ELP1: variants seen among roughly 807,000 people sequenced by gnomAD.
ELP1 encodes the protein elongator complex protein 1.
ELP1 carries 131 observed loss-of-function variants against 183.2 expected under a neutral mutation model. That is an observed-to-expected ratio of 0.72 (90% confidence interval 0.62 to 0.83). The LOEUF (loss-of-function observed/expected upper bound fraction) is 0.83, where lower values mean the gene tolerates loss of function less well. Ranked by LOEUF, ELP1 falls within the 40% of genes least tolerant of loss-of-function variation. ELP1 has a pLI of 0.00. For synonymous variants in ELP1, 555 were observed against 569.0 expected (o/e 0.98, Z 0.35); for missense variants, 1,550 against 1,594.9 (o/e 0.97, Z 0.48).
At chr9:108,881,113 GA>G (rs1827912938) in intron 31 of ELP1, among the ~76,000 whole-genome samples, 1 of 152,142 alleles carries the variant, frequency 6.6e-6, no homozygotes, top group African/African-American at 2.4e-5. Flanking sequence ...AACTTCATTT[GA>G]AAAGGTAACT....
chr9:108,900,904 A>AGATAGGG (rs1828774235), intron 18 of ELP1, among the ~76,000 whole-genome samples: 1 of 45,856 alleles, frequency 2.2e-5, no homozygotes, highest in Non-Finnish European at 4.1e-5. Flanking sequence ...ACACACACAT[A>AGATAGGG]CACGCCACAC....
chr9:108,911,581 C>G (rs113525785), intron 11 of ELP1, among the ~76,000 whole-genome samples: 1 of 152,146 alleles, frequency 6.6e-6, no homozygotes, highest in Non-Finnish European at 1.5e-5. Flanking sequence ...TGATTAAGTT[C>G]TCTATATAGA....
chr9:108,878,803 G>A lies in ELP1; in HGVS notation c.3573-53C>T, dbSNP rs143516037. On this transcript the variant is annotated intron_variant, in intron 33 of 36. Coordinates refer to ENST00000374647, the MANE Select transcript of ELP1 (RefSeq NM_003640.5). Reference sequence around the variant, plus strand: ...AGCCTCCTGAGTAGCTAGGACTACAGGCATGTGCTACCTTGCCTGGCTACT... The same window carrying A: ...AGCCTCCTGAGTAGCTAGGACTACAAGCATGTGCTACCTTGCCTGGCTACT... 8.8e-6 allele frequency: 14 copies of A among 1,599,002 alleles called. No individual in the cohort carries two copies. In the African/African-American group the frequency reaches 1.5e-4, roughly 17 times the overall value.
In ELP1 at chr9:108,868,573, A is replaced by T. The variant is rs1249697626; in HGVS notation, c.*542T>A. Reference sequence around the variant, plus strand: ...TTATAGGAGGCTCAGCCCAGTTATAACTGAAAGCACATGACCTGGTAAGAT... The same window carrying T: ...TTATAGGAGGCTCAGCCCAGTTATATCTGAAAGCACATGACCTGGTAAGAT... On this transcript the variant is annotated 3_prime_UTR_variant, in exon 37 of 37. Transcript: ENST00000374647. 5 of 439,794 alleles carry T rather than the reference A, an allele frequency of 1.1e-5. No individual in the cohort carries two copies. Among genetic ancestry groups the T allele is most frequent in the Non-Finnish European group, 2.0e-5 (5 of 251,786 alleles). 27.2% of individuals were successfully genotyped at this position (439,794 alleles called of 1,614,324 possible). A position where few individuals can be genotyped will look rare whatever the true frequency, so the allele number is the denominator to read the frequency against.
chr9:108,901,414 T>G lies in ELP1; in HGVS notation c.2014+11A>C. The G allele has an allele frequency of 6.3e-7, 1 of 1,577,838 alleles. No individual in the cohort carries two copies. Among genetic ancestry groups the G allele is most frequent in the Non-Finnish European group, 8.7e-7 (1 of 1,147,094 alleles). On this transcript the variant is annotated intron_variant, in intron 18 of 36. Transcript: ENST00000374647. ...AAGGGACCATTTCTGTTTTATACAT[T>G]GAAAACTTACTTTTAAATGAAGCAT...
intron 13 of ELP1, among the ~76,000 whole-genome samples, chr9:108,907,956 C>A (rs1375585990): frequency 3.3e-5 from 5 of 152,298 alleles, no homozygotes; most frequent in Non-Finnish European, 7.4e-5. Flanking sequence ...ATTAGGTCAT[C>A]CATGTTAACA....
chr9:108,867,638 G>A lies in ELP1; in HGVS notation c.*1477C>T, dbSNP rs144244054. The A allele has an allele frequency of 6.6e-6, 1 of 152,320 alleles. No individual in the cohort carries two copies. The highest frequency in any genetic ancestry group is 1.9e-4 in the East Asian group (1 of 5,192). The allele number at this position is 152,320 out of a possible 1,614,324, so 9.4% of individuals were successfully genotyped here. A position where few individuals can be genotyped will look rare whatever the true frequency, so the allele number is the denominator to read the frequency against. On this transcript the variant is annotated 3_prime_UTR_variant, in exon 37 of 37. Transcript: ENST00000374647. ...CATGCTTATTTACCCATGCCAAAGA[G>A]TGATTACAAAGTACTTGCAGCCTTT...
chr9:108,876,205 C>A (rs754671209), intron 35 of ELP1, among the ~76,000 whole-genome samples: 1 of 151,998 alleles, frequency 6.6e-6, no homozygotes, highest in Non-Finnish European at 1.5e-5. Flanking sequence ...GAGCCCGGGG[C>A]GGTGGATGCT....
chr9:108,870,045 G>A (rs141074156), intron 36 of ELP1, among the ~76,000 whole-genome samples: 378 of 152,042 alleles, frequency 2.5e-3, no homozygotes, highest in African/African-American at 8.7e-3. Flanking sequence ...GCACGATCAT[G>A]ACTCACTGCA....
Position 108,911,187 on chromosome 9 carries a change from T to A in ELP1, c.1190-7A>T. 6.2e-7 allele frequency: 1 copy of A among 1,613,814 alleles called. No homozygotes were observed. Among genetic ancestry groups the A allele is most frequent in the South Asian group, 1.1e-5 (1 of 91,030 alleles). On this transcript the variant is annotated splice_polypyrimidine_tract_variant and splice_region_variant and intron_variant, in intron 11 of 36. Transcript: ENST00000374647. ...ACTGTCACCAACACCCTGTCTGCAG[T>A]GAAAAAGAAAGAAGAGGATTAGACC...
At chr9:108,879,303 G>T (rs899126244) in intron 33 of ELP1, 143 bp downstream of exon 33, 5 of 711,190 alleles carry the variant, frequency 7.0e-6, no homozygotes, top group Non-Finnish European at 1.0e-5. Context: ...TGCTGGGAAA[G>T]TGTCTGAACA....
chr9:108,933,772 C>T (rs1378183450), intron 1 of ELP1, 92 bp downstream of exon 1: 2 of 152,976 alleles, frequency 1.3e-5, no homozygotes, highest in Non-Finnish European at 2.9e-5. Context: ...CCCCGGCCCG[C>T]AGCAGGCAGA....
At position 108,931,910 on chromosome 9, in the gene ELP1, C is replaced by T. The variant is rs142417025; in HGVS notation, c.-55-709G>A. Among the ~76,000 whole-genome samples the T allele has an allele frequency of 1.4e-3, 219 of 152,336 alleles. 1 individual carries two copies. Among genetic ancestry groups the T allele is most frequent in the African/African-American group, 4.9e-3 (204 of 41,578 alleles). ...CGTGAGAAAAGAGTGCTAAACAAGA[C>T]ATCTACTTTGGTCTGGCAAAATCAG... On this transcript the variant is annotated intron_variant, in intron 1 of 36. Transcript: ENST00000374647.
At chr9:108,931,261 A>T in intron 1 of ELP1, 60 bp from the exon 2 acceptor site, 1 of 1,105,916 alleles carries the variant, frequency 9.0e-7, no homozygotes, top group Non-Finnish European at 1.4e-6. Flanking sequence ...AAATGAAATG[A>T]TTCAGGGGGT....
rs371128847 is a variant in ELP1 at position 108,898,487 on chromosome 9, A to T, written c.2363+15T>A. ...ACTATGGAAAAGATACACATGAATT[A>T]TTCAAAATACTTACTTCAATTCTGT... On this transcript the variant is annotated intron_variant, in intron 22 of 36. Coordinates refer to ENST00000374647, the MANE Select transcript of ELP1 (RefSeq NM_003640.5). 8.5e-6 allele frequency: 12 copies of T among 1,407,608 alleles called. No homozygotes were observed. The highest frequency in any genetic ancestry group is 1.2e-5 in the Non-Finnish European group (12 of 998,560). The allele number at this position is 1,407,608 out of a possible 1,614,324, so 87.2% of individuals were successfully genotyped here.
Position 108,867,718 on chromosome 9 carries a change from C to T in ELP1, c.*1397G>A, listed in dbSNP as rs1827290352. The T allele has an allele frequency of 1.3e-5, 2 of 152,186 alleles. No homozygotes were observed. Among genetic ancestry groups the T allele is most frequent in the African/African-American group, 2.4e-5 (1 of 41,436 alleles). The allele number at this position is 152,186 out of a possible 1,614,324, so 9.4% of individuals were successfully genotyped here. On this transcript the variant is annotated 3_prime_UTR_variant, in exon 37 of 37. Transcript: ENST00000374647. ...CATGTAAGTCAAAAAGTAGATTTCT[C>T]CAAAGCAAAGTATATCTTCTTTCTC...
intron 5 of ELP1, among the ~76,000 whole-genome samples, chr9:108,924,867 G>T (rs1473559716): frequency 6.6e-6 from 1 of 152,126 alleles, no homozygotes; most frequent in East Asian, 1.9e-4. Context: ...GGTTCTGGCT[G>T]GAGTCCTGCT....
At chr9:108,933,699 G>T (rs1412343915) in intron 1 of ELP1, among the ~76,000 whole-genome samples, 165 bp downstream of exon 1, 1 of 152,226 alleles carries the variant, frequency 6.6e-6, no homozygotes, top group Non-Finnish European at 1.5e-5. Context: ...GATGGAGCAG[G>T]TGGCAAGGCT....
intron 29 of ELP1, 28 bp downstream of exon 29, chr9:108,889,304 G>A: frequency 6.2e-7 from 1 of 1,600,054 alleles, no homozygotes; most frequent in South Asian, 1.1e-5. Context: ...GCTGACTGGG[G>A]GGTTTAGAAG....
Sources: allele counts gnomAD v4.1 joint callset (sites outside exome capture counted in the v4.1 genomes callset), GRCh38; gene constraint gnomAD v4.1.1; transcripts MANE v1.5; gene names NCBI Gene and HGNC (gene_info 2026-07-23, HGNC 2026-07-21).